TSPAN15: variants seen among roughly 807,000 people sequenced by gnomAD.
TSPAN15 encodes tetraspanin-15.
In TSPAN15, 20 loss-of-function variants were observed where a neutral mutation model predicts 34.5. The ratio of observed to expected loss-of-function variants is 0.58; its 90% CI spans 0.41 to 0.84. The LOEUF (loss-of-function observed/expected upper bound fraction) is 0.84. Ranked by LOEUF, TSPAN15 falls within the 40% of genes least tolerant of loss-of-function variation. The probability of loss-of-function intolerance (pLI) is 0.00; values close to 1 mark genes in which losing one functional copy is unlikely to be tolerated. For missense variants in TSPAN15, 313 were observed against 386.1 expected (o/e 0.81, Z 1.59); for synonymous variants, 155 against 153.9 (o/e 1.01, Z -0.05).
At chr10:69,536,163 T>G in the TSPAN15 span, among the ~76,000 whole-genome samples, 1 of 152,338 alleles carries the variant, frequency 6.6e-6, no homozygotes, top group East Asian at 1.9e-4. Context: ...CAGGTTCTAT[T>G]TGACACTTCA....
chr10:69,514,807 T>G, the TSPAN15 span, among the ~76,000 whole-genome samples: 92,704 of 152,092 alleles, frequency 0.61, 28,840 homozygotes, highest in African/African-American at 0.71. Context: ...ATATAAATAA[T>G]CTCTTAGTAT....
chr10:69,468,775 A>T (rs1035346115), intron 1 of TSPAN15, among the ~76,000 whole-genome samples: 5 of 152,046 alleles, frequency 3.3e-5, no homozygotes, highest in Non-Finnish European at 7.4e-5. Flanking sequence ...GATTAAAAAA[A>T]AAAAATCACC....
rs1268089529 is a variant in TSPAN15 at position 69,506,858 on chromosome 10, C to T, written c.765C>T (p.Tyr255=). 1 of 1,596,308 alleles carries T rather than the reference C, an allele frequency of 6.3e-7. No homozygotes were observed. Among genetic ancestry groups the T allele is most frequent in the Non-Finnish European group, 8.5e-7 (1 of 1,171,848 alleles). Residue 255 remains tyrosine, a synonymous_variant, in exon 8 of 8, where the codon TAC becomes TAT. Transcript: ENST00000373290. The surrounding 1 kb of genome is among the most constrained non-coding windows in gnomAD (Gnocchi z 4.7). Reference sequence around the variant, plus strand: ...TGGGGGTGCTGCTGACGCTGCTGTACATCACCCGGGTGGAGGACATCATCA... The same window carrying T: ...TGGGGGTGCTGCTGACGCTGCTGTATATCACCCGGGTGGAGGACATCATCA... The part of the protein sequence containing the change: ...QFLGVLLTLL[Y]ITRVEDIIME...
At chr10:69,542,673 G>A in the TSPAN15 span, among the ~76,000 whole-genome samples, 2 of 152,154 alleles carry the variant, frequency 1.3e-5, no homozygotes, top group South Asian at 2.1e-4. Flanking sequence ...GGTGTGGCAG[G>A]GGGGAGCCCC....
chr10:69,457,053 C>T (rs897952868), intron 1 of TSPAN15, among the ~76,000 whole-genome samples: 1 of 152,228 alleles, frequency 6.6e-6, no homozygotes, highest in African/African-American at 2.4e-5. Context: ...TTTCCCACCA[C>T]ACAGGGTGAA....
rs1315106552 is a variant in TSPAN15 at position 69,507,220 on chromosome 10, G to C, written c.*242G>C. ...AATCTGTGCCCACCTGGGGCCTGGGGAACAAGGCCCTCCTTTCTCCAGGCC... is the reference window on the plus strand; with the variant it reads ...AATCTGTGCCCACCTGGGGCCTGGGCAACAAGGCCCTCCTTTCTCCAGGCC... On this transcript the variant is annotated 3_prime_UTR_variant, in exon 8 of 8. Coordinates refer to ENST00000373290, the MANE Select transcript of TSPAN15 (RefSeq NM_012339.5). 7.1e-7 allele frequency: 1 copy of C among 1,401,198 alleles called. No individual in the cohort carries two copies. Among genetic ancestry groups the C allele is most frequent in the Non-Finnish European group, 9.2e-7 (1 of 1,082,390 alleles). 86.8% of individuals were successfully genotyped at this position (1,401,198 alleles called of 1,614,324 possible).
intron 5 of TSPAN15, among the ~76,000 whole-genome samples, chr10:69,502,842 C>T (rs901901740): frequency 2.0e-5 from 3 of 152,166 alleles, no homozygotes; most frequent in Non-Finnish European, 4.4e-5. Flanking sequence ...CCAGTGAAGT[C>T]ACTCTTGTCA....
intron 1 of TSPAN15, among the ~76,000 whole-genome samples, chr10:69,473,087 A>G (rs971778162): frequency 5.9e-5 from 9 of 152,212 alleles, no homozygotes; most frequent in African/African-American, 2.2e-4. Flanking sequence ...TGTTGGTTTT[A>G]TAGATATTCA....
At chr10:69,534,624 T>C in the TSPAN15 span, among the ~76,000 whole-genome samples, 1 of 152,156 alleles carries the variant, frequency 6.6e-6, no homozygotes, top group Non-Finnish European at 1.5e-5. Context: ...CCTCTGTGTA[T>C]GCCAGAATTC....
At chr10:69,515,320 T>A in the TSPAN15 span, among the ~76,000 whole-genome samples, 1 of 152,184 alleles carries the variant, frequency 6.6e-6, no homozygotes, top group Admixed American at 6.5e-5. Context: ...TCCACCACTC[T>A]AGCCTCAGTC....
downstream of TSPAN15, among the ~76,000 whole-genome samples, chr10:69,511,599 T>C (rs1255417083): frequency 6.6e-6 from 1 of 152,210 alleles, no homozygotes; most frequent in African/African-American, 2.4e-5. Flanking sequence ...CTTAGTTATT[T>C]CTTGTCTTCT....
the TSPAN15 span, among the ~76,000 whole-genome samples, chr10:69,537,503 G>T: frequency 2.6e-5 from 4 of 152,116 alleles, no homozygotes; most frequent in Non-Finnish European, 4.4e-5. Flanking sequence ...TCAGGGCCAG[G>T]CTCCCTTGCT....
intron 6 of TSPAN15, among the ~76,000 whole-genome samples, chr10:69,505,457 G>C (rs184905806): frequency 7.8e-4 from 119 of 152,240 alleles, no homozygotes; most frequent in African/African-American, 2.7e-3. Context: ...TTTTAAAAAC[G>C]GTGAACAATT....
rs1486142630 is a variant in TSPAN15 at position 69,484,457 on chromosome 10, T to C, written c.282+581T>C. Among the ~76,000 whole-genome samples, 4 of 152,210 alleles carry C rather than the reference T, an allele frequency of 2.6e-5. No homozygotes were observed. In the East Asian group the frequency reaches 7.7e-4, roughly 29 times the overall value. On this transcript the variant is annotated intron_variant, in intron 2 of 7. Transcript: ENST00000373290. ...GCATGGGGAGTCAATCCTACCTGTA[T>C]CCCATTATTGTGGGGTGAGGGATGA...
the TSPAN15 span, among the ~76,000 whole-genome samples, chr10:69,539,539 G>GAAGAAGAAGAAGAAGAAGA: frequency 4.7e-5 from 2 of 42,696 alleles, no homozygotes; most frequent in Non-Finnish European, 1.0e-4. Flanking sequence ...GAAGAAGAAG[G>GAAGAAGAAGAAGAAGAAGA]AGAAGGAGAA....
chr10:69,541,603 G>A, the TSPAN15 span, among the ~76,000 whole-genome samples: 1 of 152,224 alleles, frequency 6.6e-6, no homozygotes, highest in African/African-American at 2.4e-5. Context: ...TGTCCTAGCA[G>A]AGGTTCTCCC....
chr10:69,545,472 G>A, the TSPAN15 span, among the ~76,000 whole-genome samples: 1 of 152,230 alleles, frequency 6.6e-6, no homozygotes, highest in South Asian at 2.1e-4. Context: ...GGGGAGGGAG[G>A]CTGAGGGGAA....
chr10:69,527,917 T>G, the TSPAN15 span, among the ~76,000 whole-genome samples: 6 of 148,110 alleles, frequency 4.1e-5, 2 homozygotes, highest in Non-Finnish European at 8.9e-5. Flanking sequence ...TTTACTTTGA[T>G]GACGGTTATA....
chr10:69,484,122 C>T lies in TSPAN15; in HGVS notation c.282+246C>T, dbSNP rs905630650. The T allele has an allele frequency of 2.2e-5, 9 of 411,688 alleles. 1 individual carries two copies. The highest frequency in any genetic ancestry group is 1.5e-4 in the South Asian group (2 of 13,318). The allele number at this position is 411,688 out of a possible 1,614,324, so 25.5% of individuals were successfully genotyped here. ...CTGTGTTCATCTGGATGCTCAGTTG[C>T]GAGTAGGAAAAACCACACTCAAATG... On this transcript the variant is annotated intron_variant, in intron 2 of 7. Transcript: ENST00000373290.
Sources: allele counts gnomAD v4.1 joint callset (sites outside exome capture counted in the v4.1 genomes callset), GRCh38; gene constraint gnomAD v4.1.1; non-coding constraint Gnocchi (gnomAD v3.1); transcripts MANE v1.5; gene names NCBI Gene and HGNC (gene_info 2026-07-23, HGNC 2026-07-21).